The following ZNF574 variants were observed in gnomAD, a reference collection of about 807,000 sequenced individuals.
ZNF574 encodes the protein zinc finger protein 574.
In ZNF574, 25 loss-of-function variants were observed where a neutral mutation model predicts 56.6. That is an observed-to-expected ratio of 0.44 (90% CI 0.32 to 0.62). The LOEUF (loss-of-function observed/expected upper bound fraction) is 0.62, where lower values mean the gene tolerates loss of function less well. ZNF574 is among the 20% of genes least tolerant of loss of function. The pLI is 0.04. For missense variants in ZNF574, 1,065 were observed against 1,218.9 expected (o/e 0.87, Z 1.88); for synonymous variants, 543 against 492.1 (o/e 1.10, Z -1.37).
chr19:42,079,523 C>T lies in ZNF574; in HGVS notation c.917C>T (p.Thr306Ile). Residue 306 changes from threonine (T) to isoleucine (I), a missense_variant, in exon 2 of 2, where the codon ACA becomes ATA. Coordinates refer to ENST00000359044, the MANE Select transcript of ZNF574 (RefSeq NM_022752.6). The surrounding 1 kb of genome is among the most constrained non-coding windows in gnomAD (Gnocchi z 4.3). ...NNSGEAGGAA[T>I]QELFCSACDQ... The stretch of plus-strand genomic sequence containing the variant: ...AGTGGAGAAGCAGGCGGGGCAGCCA[C>T]ACAGGAGCTCTTCTGCTCAGCCTGT... The T allele has an allele frequency of 1.9e-6, 3 of 1,614,006 alleles. No homozygotes were observed. Among genetic ancestry groups the T allele is most frequent in the African/African-American group, 1.3e-5 (1 of 75,074 alleles).
Position 42,080,063 on chromosome 19 carries a change from G to A in ZNF574, c.1457G>A (p.Arg486His), listed in dbSNP as rs200631258. 187 of 1,614,022 alleles carry A rather than the reference G, an allele frequency of 1.2e-4. No individual in the cohort carries two copies. The highest frequency in any genetic ancestry group is 1.4e-4 in the Non-Finnish European group (164 of 1,180,042). The change falls in exon 2 of 2, where the codon CGT becomes CAT. Residue 486 changes from arginine (R) to histidine (H), a missense_variant. Arg to His is a conservative substitution (Grantham distance 29). Coordinates refer to ENST00000359044, the MANE Select transcript of ZNF574 (RefSeq NM_022752.6). The surrounding 1 kb of genome is among the most constrained non-coding windows in gnomAD (Gnocchi z 8.5). ...GCCTTGCAGCTGACCCGGCACCAAC[G>A]TTTTGTGCATCGGCTGGAGCGGCGC... ...GKALQLTRHQ[R>H]FVHRLERRHK... is the part of the protein sequence containing the mutation.
upstream of ZNF574, among the ~76,000 whole-genome samples, chr19:42,072,429 G>C (rs1449069530): frequency 6.6e-6 from 1 of 151,334 alleles, no homozygotes; most frequent in African/African-American, 2.4e-5. Context: ...GTAGAGACGG[G>C]GTTTCACCAT....
chr19:42,077,995 T>A (rs778072843), intron 1 of ZNF574, among the ~76,000 whole-genome samples: 4 of 152,024 alleles, frequency 2.6e-5, no homozygotes, highest in Non-Finnish European at 4.4e-5. Context: ...TAGCAGGGGT[T>A]GCGTGTAAAG....
upstream of ZNF574, among the ~76,000 whole-genome samples, chr19:42,071,867 G>A (rs535186121): frequency 1.3e-5 from 2 of 152,100 alleles, no homozygotes; most frequent in South Asian, 2.1e-4. Flanking sequence ...AGCCAGGCCC[G>A]GTGGCACACT....
In ZNF574 at chr19:42,079,946, C is replaced by T. The variant is rs1009121575; in HGVS notation, c.1340C>T (p.Ala447Val). 2.5e-6 allele frequency: 4 copies of T among 1,613,728 alleles called. No homozygotes were observed. The highest frequency in any genetic ancestry group is 2.2e-5 in the East Asian group (1 of 44,868). ...PAPAETGEPE[A>V]PEPPVSEETS... is the part of the protein sequence containing the mutation. The stretch of plus-strand genomic sequence containing the variant: ...CCAGCAGAGACTGGAGAGCCAGAGG[C>T]CCCTGAGCCCCCTGTGTCTGAGGAG... Residue 447 changes from alanine (A) to valine (V), a missense_variant, in exon 2 of 2, where the codon GCC becomes GTC. Transcript: ENST00000359044. This position sits in a 1 kb window ranked among gnomAD's most constrained non-coding sequence, Gnocchi z 4.3.
chr19:42,078,650 G>A lies in ZNF574; in HGVS notation c.44G>A (p.Arg15His), dbSNP rs779806146. 4 of 1,613,918 alleles carry A rather than the reference G, an allele frequency of 2.5e-6. No individual in the cohort carries two copies. Among genetic ancestry groups the A allele is most frequent in the East Asian group, 2.2e-5 (1 of 44,890 alleles). ...GAGACAGTCCTGTACATTGAGCACC[G>A]CTATGTCTGCTCTGAGTGCAACCAG... ...SEETVLYIEH[R>H]YVCSECNQLY... The change falls in exon 2 of 2, where the codon CGC becomes CAC. Residue 15 changes from arginine to histidine, a missense_variant. Physicochemically the swap from Arg to His is conservative, Grantham distance 29. Transcript: ENST00000359044.
chr19:42,079,790 C>T lies in ZNF574; in HGVS notation c.1184C>T (p.Pro395Leu), dbSNP rs1490056569. The change falls in exon 2 of 2, where the codon CCA becomes CTA. Residue 395 changes from proline (P) to leucine (L), a missense_variant. Coordinates refer to ENST00000359044, the MANE Select transcript of ZNF574 (RefSeq NM_022752.6). The surrounding 1 kb of genome is among the most constrained non-coding windows in gnomAD (Gnocchi z 4.3). The stretch of plus-strand genomic sequence containing the variant: ...ACCCCGAATCCTCTGCATTCATGTC[C>T]ATGTGGGAAGACCTTTGTCAACCTT... ...AHTPNPLHSC[P>L]CGKTFVNLTK... 1 of 1,614,064 alleles carries T rather than the reference C, an allele frequency of 6.2e-7. No homozygotes were observed. Among genetic ancestry groups the T allele is most frequent in the Non-Finnish European group, 8.5e-7 (1 of 1,180,042 alleles).
chr19:42,080,776 A>G lies in ZNF574; in HGVS notation c.2170A>G (p.Thr724Ala), dbSNP rs764751743. The change falls in exon 2 of 2, where the codon ACT (threonine) becomes GCT (alanine). Residue 724 changes from threonine to alanine, a missense_variant. Physicochemically the swap from Thr to Ala is moderately conservative, Grantham distance 58. Transcript: ENST00000359044. This position sits in a 1 kb window ranked among gnomAD's most constrained non-coding sequence, Gnocchi z 8.5. ...TGCCTCTCCAGCAGCCCTTGGAAGCACTGCTACAGCATCCCCTGCGGCCCC... is the reference window on the plus strand; with the variant it reads ...TGCCTCTCCAGCAGCCCTTGGAAGCGCTGCTACAGCATCCCCTGCGGCCCC... The part of the protein sequence containing the change: ...PVASPAALGS[T>A]ATASPAAPAR... The G allele has an allele frequency of 1.2e-6, 2 of 1,614,004 alleles. No homozygotes were observed. Among genetic ancestry groups the G allele is most frequent in the Non-Finnish European group, 1.7e-6 (2 of 1,180,018 alleles).
Position 42,081,183 on chromosome 19 carries a change from G to A in ZNF574, c.2577G>A (p.Ala859=), listed in dbSNP as rs778281016. The A allele has an allele frequency of 1.6e-5, 26 of 1,613,930 alleles. No homozygotes were observed. Among genetic ancestry groups the A allele is most frequent in the African/African-American group, 9.3e-5 (7 of 74,946 alleles). Reference sequence around the variant, plus strand: ...CTGTGCGGCAGCAGCTGGCAGAGGCGGAGGCTGCCGTTGGCCTGGCCGTCA... The same window carrying A: ...CTGTGCGGCAGCAGCTGGCAGAGGCAGAGGCTGCCGTTGGCCTGGCCGTCA... ...QAAVRQQLAE[A]EAAVGLAVME... is the part of the protein sequence containing the mutation. The change falls in exon 2 of 2, where the codon GCG becomes GCA. Residue 859 remains alanine, a synonymous_variant. Coordinates refer to ENST00000359044, the MANE Select transcript of ZNF574 (RefSeq NM_022752.6).
chr19:42,081,362 A>G lies in ZNF574; in HGVS notation c.*65A>G. 1 of 1,584,208 alleles carries G rather than the reference A, an allele frequency of 6.3e-7. No individual in the cohort carries two copies. ...GCTGAAGGCCCTCCAGCATCCCCTT[A>G]AGCATCTGTACATACTGTGTCCCTT... On this transcript the variant is annotated 3_prime_UTR_variant, in exon 2 of 2. Coordinates refer to ENST00000359044, the MANE Select transcript of ZNF574 (RefSeq NM_022752.6).
upstream of ZNF574, among the ~76,000 whole-genome samples, chr19:42,072,607 C>A (rs902819198): frequency 4.7e-5 from 7 of 149,330 alleles, no homozygotes; most frequent in Non-Finnish European, 1.0e-4. Flanking sequence ...GCTCTTGTTG[C>A]CTAGGTTGGA....
At chr19:42,076,345 C>T (rs1039665061) in intron 1 of ZNF574, 59 bp downstream of exon 1, 3 of 151,996 alleles carry the variant, frequency 2.0e-5, no homozygotes, top group African/African-American at 7.2e-5. Context: ...GCCGCGGCCT[C>T]CTCTTGCCAG....
In ZNF574 at chr19:42,078,615, G is replaced by C. The variant is rs1198261199; in HGVS notation, c.9G>C (p.Glu3Asp). The C allele has an allele frequency of 6.2e-7, 1 of 1,608,592 alleles. No homozygotes were observed. Among genetic ancestry groups the C allele is most frequent in the Admixed American group, 1.7e-5 (1 of 59,886 alleles). ...AGGGCCTTGCTGCCGCCATGACTGA[G>C]GAATCAGAGGAGACAGTCCTGTACA... MT[E>D]ESEETVLYIE... Residue 3 changes from glutamate to aspartate, a missense_variant, in exon 2 of 2, where the codon GAG (glutamate) becomes GAC (aspartate). Glu to Asp is a conservative substitution (Grantham distance 45, BLOSUM62 2). Transcript: ENST00000359044.
chr19:42,081,415 GTTCTAAATTGGATTTA>G lies in ZNF574; in HGVS notation c.*123_*138del. ...TCTTCCCATCCCCACCACCTTGTAA[GTTCTAAATTGGATTTA>G]TTCTCTCGTGAGGGGGGTGCTCTGG... On this transcript the variant is annotated 3_prime_UTR_variant, in exon 2 of 2. Transcript: ENST00000359044. The G allele has an allele frequency of 7.4e-7, 1 of 1,347,334 alleles. No homozygotes were observed. The highest frequency in any genetic ancestry group is 1.1e-6 in the Non-Finnish European group (1 of 951,904). 83.5% of individuals were successfully genotyped at this position (1,347,334 alleles called of 1,614,324 possible).
In ZNF574 at chr19:42,080,197, C is replaced by T; in HGVS notation, c.1591C>T (p.Pro531Ser). The T allele has an allele frequency of 6.2e-7, 1 of 1,613,396 alleles. No individual in the cohort carries two copies. The highest frequency in any genetic ancestry group is 8.5e-7 in the Non-Finnish European group (1 of 1,179,774). The change falls in exon 2 of 2, where the codon CCC becomes TCC. Residue 531 changes from proline (P) to serine (S), a missense_variant. Transcript: ENST00000359044. The surrounding 1 kb of genome is among the most constrained non-coding windows in gnomAD (Gnocchi z 8.5). ...CTTCCCCTGCCCTGACTGCTCCAAG[C>T]CCTTCAACTCACCTGCCAACCTGGC... is the stretch of plus-strand genomic sequence containing the variant. ...RPFPCPDCSK[P>S]FNSPANLARH...
In ZNF574 at chr19:42,079,317, C is replaced by G; in HGVS notation, c.711C>G (p.Phe237Leu). ...TCCTGGAGCACCAGGCCACTCACTTCCCTGCTCCTGTACCCGAGTCTCAGG... is the reference window on the plus strand; with the variant it reads ...TCCTGGAGCACCAGGCCACTCACTTGCCTGCTCCTGTACCCGAGTCTCAGG... ...ADFLEHQATH[F>L]PAPVPESQEP... The change falls in exon 2 of 2, where the codon TTC (phenylalanine) becomes TTG (leucine). Residue 237 changes from phenylalanine to leucine, a missense_variant. Transcript: ENST00000359044. This position sits in a 1 kb window ranked among gnomAD's most constrained non-coding sequence, Gnocchi z 4.3. The G allele has an allele frequency of 6.2e-7, 1 of 1,613,912 alleles. No homozygotes were observed.
At chr19:42,072,057 G>C (rs1424126549), upstream of ZNF574, among the ~76,000 whole-genome samples, 1 of 150,694 alleles carries the variant, frequency 6.6e-6, no homozygotes, top group Non-Finnish European at 1.5e-5. Flanking sequence ...AATTCAACCT[G>C]TCCCGGAAAT....
upstream of ZNF574, among the ~76,000 whole-genome samples, chr19:42,074,279 AC>A (rs1440972345): frequency 2.6e-5 from 4 of 151,428 alleles, no homozygotes; most frequent in South Asian, 8.3e-4. Flanking sequence ...ACACGGTGAA[AC>A]CCCGTCTCTA....
At chr19:42,077,881 G>A (rs1352193508) in intron 1 of ZNF574, among the ~76,000 whole-genome samples, 1 of 152,158 alleles carries the variant, frequency 6.6e-6, no homozygotes, top group East Asian at 1.9e-4. Flanking sequence ...GGTGGGCAAA[G>A]TCTGGGTGTG....
Sources: gnomAD v4.1 joint callset for allele counts (sites outside exome capture counted in the v4.1 genomes callset) on GRCh38, gnomAD v4.1.1 for gene constraint, Gnocchi (gnomAD v3.1) non-coding constraint, MANE v1.5 for transcripts, NCBI Gene and HGNC (gene_info 2026-07-23, HGNC 2026-07-21) for gene names.